Variants in BRD4 observed in about 807,000 individuals in gnomAD.
BRD4 encodes the protein bromodomain-containing protein 4.
Under a neutral mutation model 142.1 loss-of-function variants are expected in BRD4, and 16 were observed. The ratio of observed to expected loss-of-function variants is 0.11; its 90% CI spans 0.08 to 0.17. The LOEUF (loss-of-function observed/expected upper bound fraction) is 0.17. Ranked by LOEUF, BRD4 falls within the 10% of genes least tolerant of loss-of-function variation. The pLI, the probability that BRD4 is intolerant of heterozygous loss-of-function variation, is 1.00. For synonymous variants in BRD4, 833 were observed against 707.5 expected (o/e 1.18, Z -2.82); for missense variants, 1,424 against 1,810.9 (o/e 0.79, Z 3.88).
intron 1 of BRD4, among the ~76,000 whole-genome samples, chr19:15,282,657 G>C (rs1286371313): frequency 1.3e-5 from 2 of 152,230 alleles, no homozygotes; most frequent in African/African-American, 4.8e-5. Context: ...TGACTCAGCT[G>C]TGCCCTTCAC....
intron 1 of BRD4, among the ~76,000 whole-genome samples, chr19:15,297,273 G>A (rs778320142): frequency 7.9e-5 from 12 of 152,138 alleles, no homozygotes; most frequent in South Asian, 2.1e-4. Flanking sequence ...GTGCCCTCCC[G>A]TTGACCAGGC....
chr19:15,296,232 G>A (rs569829150), intron 1 of BRD4, among the ~76,000 whole-genome samples: 15 of 152,142 alleles, frequency 9.9e-5, no homozygotes, highest in East Asian at 1.9e-4. Context: ...CCAGCCCGGC[G>A]ACAGAGCGAG....
In BRD4 at chr19:15,237,424, A is replaced by G. The variant is rs940215071; in HGVS notation, c.*953T>C. 4 of 223,318 alleles carry G rather than the reference A, an allele frequency of 1.8e-5. No homozygotes were observed. Among genetic ancestry groups the G allele is most frequent in the Admixed American group, 1.7e-4 (3 of 17,372 alleles). 13.8% of individuals were successfully genotyped at this position (223,318 alleles called of 1,614,324 possible). ...TTTTTCACACCAGTTTGGTGGAGTC[A>G]CCAACAAACTTCAAACAAAGATATG... On this transcript the variant is annotated 3_prime_UTR_variant, in exon 20 of 20. Transcript: ENST00000679869.
At chr19:15,311,625 TACTAA>T (rs1239135343) in intron 1 of BRD4, among the ~76,000 whole-genome samples, 5 of 150,782 alleles carry the variant, frequency 3.3e-5, no homozygotes, top group Non-Finnish European at 7.4e-5. Context: ...ACCCTGTCTC[TACTAA>T]AAATACATTA....
intron 1 of BRD4, among the ~76,000 whole-genome samples, chr19:15,282,746 C>A (rs1191012457): frequency 6.6e-6 from 1 of 152,154 alleles, no homozygotes; most frequent in Non-Finnish European, 1.5e-5. Flanking sequence ...CACTTTACAC[C>A]TTTTCAGCTA....
At chr19:15,275,864 C>G (rs1421085786) in intron 1 of BRD4, 1 of 152,064 alleles carries the variant, frequency 6.6e-6, no homozygotes, top group Non-Finnish European at 1.5e-5. Flanking sequence ...AAAAATTAGC[C>G]GGGCATGGTG....
At chr19:15,276,814 T>A (rs934083077) in intron 1 of BRD4, among the ~76,000 whole-genome samples, 2 of 152,146 alleles carry the variant, frequency 1.3e-5, no homozygotes, top group African/African-American at 4.8e-5. Context: ...GCGGTTGACA[T>A]GGCATTCTCC....
At chr19:15,328,174 TTCAG>T (rs1416762341) in intron 1 of BRD4, among the ~76,000 whole-genome samples, 3 of 152,118 alleles carry the variant, frequency 2.0e-5, no homozygotes, top group Admixed American at 2.0e-4. Flanking sequence ...ACAAATATCT[TTCAG>T]TCTTTCCTTG....
At position 15,244,472 on chromosome 19, in the gene BRD4, A is replaced by AGGCGGGGGT. The variant is rs2047267090; in HGVS notation, c.2331_2339dup (p.Pro781_Pro783dup). On this transcript the variant is annotated inframe_insertion, in exon 13 of 20. Coordinates refer to ENST00000679869, the MANE Select transcript of BRD4 (RefSeq NM_001379291.1). ...CCTGCTGCGGCATGGAGGGTGGGGG[A>AGGCGGGGGT]GGCGGGGGTGGCGGCTGCTGTTGCT... 7.0e-6 allele frequency: 1 copy of AGGCGGGGGT among 141,896 alleles called. No individual in the cohort carries two copies. The highest frequency in any genetic ancestry group is 1.2e-4 in the African/African-American group (1 of 8,646). 8.8% of individuals were successfully genotyped at this position (141,896 alleles called of 1,614,324 possible).
At chr19:15,298,633 A>C (rs1181164167) in intron 1 of BRD4, among the ~76,000 whole-genome samples, 1 of 27,860 alleles carries the variant, frequency 3.6e-5, no homozygotes, top group Non-Finnish European at 7.1e-5. Flanking sequence ...AAAAAAAAAA[A>C]AAAAAAAAAA....
chr19:15,235,608 CGAA>C lies in BRD4; in HGVS notation c.*2766_*2768del, dbSNP rs1200996684. 1 of 151,664 alleles carries C rather than the reference CGAA, an allele frequency of 6.6e-6. No individual in the cohort carries two copies. Among genetic ancestry groups the C allele is most frequent in the Non-Finnish European group, 1.5e-5 (1 of 67,992 alleles). 9.4% of individuals were successfully genotyped at this position (151,664 alleles called of 1,614,324 possible). Reference sequence around the variant, plus strand: ...CTTTCGTATGTAAGTGAAAAGTCTACGAATTCCCTTCTACAAATGTCTAAAGTG... The same window carrying C: ...CTTTCGTATGTAAGTGAAAAGTCTACTTCCCTTCTACAAATGTCTAAAGTG... On this transcript the variant is annotated 3_prime_UTR_variant, in exon 20 of 20. Transcript: ENST00000679869.
At chr19:15,298,580 C>T (rs1275601498) in intron 1 of BRD4, among the ~76,000 whole-genome samples, 2 of 116,306 alleles carry the variant, frequency 1.7e-5, no homozygotes, top group African/African-American at 3.4e-5. Context: ...GAGATTGCAT[C>T]ACTGCACTCC....
At chr19:15,245,327 A>C (rs755287929) in intron 11 of BRD4, among the ~76,000 whole-genome samples, 25 of 152,060 alleles carry the variant, frequency 1.6e-4, no homozygotes, top group Admixed American at 1.6e-3. Context: ...TGGGGCTGAG[A>C]GCCACAGGAC....
At chr19:15,249,259 T>A in intron 11 of BRD4, 1 of 1,614,022 alleles carries the variant, frequency 6.2e-7, no homozygotes, top group Non-Finnish European at 8.5e-7. Flanking sequence ...GACCGTTTTA[T>A]TAAGAGTCCG....
chr19:15,308,197 G>A (rs2047934072), intron 1 of BRD4, among the ~76,000 whole-genome samples: 2 of 119,648 alleles, frequency 1.7e-5, no homozygotes, highest in Non-Finnish European at 1.7e-5. Context: ...AAAGAAAGGG[G>A]GCAAGTCAAA....
At chr19:15,271,847 T>C (rs1388078026) in intron 2 of BRD4, among the ~76,000 whole-genome samples, 2 of 145,084 alleles carry the variant, frequency 1.4e-5, no homozygotes, top group African/African-American at 5.5e-5. Context: ...CAGACAGTTC[T>C]TACAGACACA....
intron 1 of BRD4, among the ~76,000 whole-genome samples, chr19:15,286,942 AG>A (rs2047744437): frequency 6.6e-6 from 1 of 152,256 alleles, no homozygotes; most frequent in South Asian, 2.1e-4. Flanking sequence ...CAGGCATTTT[AG>A]GAACTCTGCT....
intron 1 of BRD4, among the ~76,000 whole-genome samples, chr19:15,304,158 G>A (rs1008086874): frequency 2.6e-5 from 4 of 152,132 alleles, no homozygotes; most frequent in Admixed American, 6.5e-5. Context: ...CTATTCTTCC[G>A]CAAGTCATTC....
At chr19:15,308,772 T>G (rs1223107640) in intron 1 of BRD4, among the ~76,000 whole-genome samples, 1 of 151,986 alleles carries the variant, frequency 6.6e-6, no homozygotes, top group Non-Finnish European at 1.5e-5. Flanking sequence ...TACCAGCACT[T>G]TGGGAGGCCG....
Sources: allele counts gnomAD v4.1 joint callset (sites outside exome capture counted in the v4.1 genomes callset), GRCh38; gene constraint gnomAD v4.1.1; transcripts MANE v1.5; gene names NCBI Gene and HGNC (gene_info 2026-07-23, HGNC 2026-07-21).